The following RBM20 variants were observed in gnomAD, a reference collection of about 807,000 sequenced individuals.
RBM20 encodes RNA binding motif protein 20, also known as RNA-binding protein 20.
A neutral mutation model predicts 110.1 loss-of-function variants in RBM20; 51 were observed. The ratio of observed to expected loss-of-function variants is 0.46; its 90% CI spans 0.37 to 0.59. The LOEUF (loss-of-function observed/expected upper bound fraction) is 0.59. Among genes scored for constraint, RBM20 ranks in the 20% least tolerant of loss-of-function variants. RBM20 has a pLI of 0.00. For missense variants in RBM20, 1,512 were observed against 1,574.9 expected (o/e 0.96, Z 0.68); for synonymous variants, 589 against 618.2 (o/e 0.95, Z 0.70).
At chr10:110,648,717 G>GA (rs1382061794) in intron 1 of RBM20, among the ~76,000 whole-genome samples, 3 of 151,956 alleles carry the variant, frequency 2.0e-5, no homozygotes, top group Admixed American at 6.6e-5. Flanking sequence ...GAAGAAAAGG[G>GA]GGGGGTGCTA....
intron 3 of RBM20, among the ~76,000 whole-genome samples, 200 bp downstream of exon 3, chr10:110,783,627 C>T (rs891575063): frequency 2.6e-5 from 4 of 152,242 alleles, no homozygotes; most frequent in Non-Finnish European, 5.9e-5. Flanking sequence ...TACAGCATCC[C>T]TGGTGGTAAA....
At chr10:110,752,524 T>C (rs1378783333) in intron 1 of RBM20, among the ~76,000 whole-genome samples, 1 of 152,244 alleles carries the variant, frequency 6.6e-6, no homozygotes, top group Admixed American at 6.5e-5. Context: ...CAGGTTTTTG[T>C]GTGAACACAT....
At chr10:110,781,941 C>G (rs1350206670) in intron 2 of RBM20, 57 bp downstream of exon 2, 2 of 1,548,530 alleles carry the variant, frequency 1.3e-6, no homozygotes, top group Non-Finnish European at 8.7e-7. Flanking sequence ...AGGCCTTTCC[C>G]CATGACCCAA....
intron 1 of RBM20, among the ~76,000 whole-genome samples, chr10:110,721,633 G>A (rs1752947996): frequency 1.3e-5 from 2 of 152,204 alleles, no homozygotes; most frequent in Admixed American, 1.3e-4. Flanking sequence ...TCCCTAATTG[G>A]TGTCATCTTC....
At chr10:110,654,152 T>G (rs1476822073) in intron 1 of RBM20, among the ~76,000 whole-genome samples, 2 of 152,244 alleles carry the variant, frequency 1.3e-5, no homozygotes, top group Non-Finnish European at 2.9e-5. Flanking sequence ...CCAACAGACT[T>G]TCATCTGGTG....
chr10:110,682,745 T>C (rs181813741), intron 1 of RBM20, among the ~76,000 whole-genome samples: 1 of 152,372 alleles, frequency 6.6e-6, no homozygotes. Context: ...GCTGCTATTT[T>C]TTCTTTGTAA....
Position 110,739,297 on chromosome 10 carries a change from G to A in RBM20, c.192-41504G>A, listed in dbSNP as rs1007578478. On this transcript the variant is annotated intron_variant, in intron 1 of 13. Coordinates refer to ENST00000369519, the MANE Select transcript of RBM20 (RefSeq NM_001134363.3). This position sits in a 1 kb window ranked among gnomAD's most constrained non-coding sequence, Gnocchi z 4.1. ...AAATTTTGCAAGAATCTGCAATCTG[G>A]AAGAGTGTTGATTCAATATACATTC... 6.6e-6 allele frequency among the ~76,000 whole-genome samples: 1 copy of A among 152,230 alleles called. No individual in the cohort carries two copies. Among genetic ancestry groups the A allele is most frequent in the Non-Finnish European group, 1.5e-5 (1 of 68,040 alleles).
intron 1 of RBM20, among the ~76,000 whole-genome samples, chr10:110,761,973 G>A (rs1451629556): frequency 6.6e-6 from 1 of 152,198 alleles, no homozygotes; most frequent in Non-Finnish European, 1.5e-5. Flanking sequence ...TTGGGAGGTC[G>A]AGGCCTGCGG....
At chr10:110,804,148 C>G (rs1328187367) in intron 7 of RBM20, among the ~76,000 whole-genome samples, 2 of 152,216 alleles carry the variant, frequency 1.3e-5, no homozygotes, top group Non-Finnish European at 1.5e-5. Flanking sequence ...GAGAGAGTCG[C>G]TCTGACTGGA....
intron 1 of RBM20, among the ~76,000 whole-genome samples, chr10:110,711,388 C>G (rs1261365115): frequency 7.3e-6 from 1 of 136,998 alleles, no homozygotes; most frequent in Admixed American, 7.6e-5. Context: ...GTGGGAAGGA[C>G]AGGCCACTGC....
intron 1 of RBM20, among the ~76,000 whole-genome samples, chr10:110,650,957 T>A (rs1861937313): frequency 6.6e-6 from 1 of 152,236 alleles, no homozygotes; most frequent in Non-Finnish European, 1.5e-5. Flanking sequence ...AGGTGTAAAA[T>A]GAGCATCTTT....
At chr10:110,645,018 C>T (rs1202989204) in intron 1 of RBM20, among the ~76,000 whole-genome samples, 2 of 152,018 alleles carry the variant, frequency 1.3e-5, no homozygotes, top group African/African-American at 2.4e-5. Flanking sequence ...TGTGCGCGCG[C>T]GTGAGGGTGT....
chr10:110,763,491 A>G (rs1388025921), intron 1 of RBM20, among the ~76,000 whole-genome samples: 1 of 152,172 alleles, frequency 6.6e-6, no homozygotes, highest in East Asian at 1.9e-4. Context: ...GACAGGACAA[A>G]TTGGAATGAT....
intron 7 of RBM20, among the ~76,000 whole-genome samples, chr10:110,803,019 A>G (rs532656153): frequency 6.3e-4 from 96 of 152,282 alleles, no homozygotes; most frequent in African/African-American, 2.3e-3. Flanking sequence ...TCTCGTAATC[A>G]CTGTACCCTG....
chr10:110,718,608 C>CTTTTT (rs61629487), intron 1 of RBM20, among the ~76,000 whole-genome samples: 352 of 101,530 alleles, frequency 3.5e-3, no homozygotes, highest in Middle Eastern at 7.2e-3. Context: ...CTACTCCATT[C>CTTTTT]TTTTTTTTTT....
chr10:110,706,653 G>A (rs1013646345), intron 1 of RBM20, among the ~76,000 whole-genome samples: 4 of 152,218 alleles, frequency 2.6e-5, no homozygotes, highest in African/African-American at 9.6e-5. Context: ...ATTTCAGGAC[G>A]GAGTGGTGGG....
At chr10:110,798,349 G>C (rs1211787333) in intron 6 of RBM20, among the ~76,000 whole-genome samples, 3 of 152,186 alleles carry the variant, frequency 2.0e-5, no homozygotes, top group Non-Finnish European at 4.4e-5. Flanking sequence ...TTTTCTTAAA[G>C]AAGGCTGAAC....
chr10:110,767,290 G>A (rs1441705807), intron 1 of RBM20, among the ~76,000 whole-genome samples: 1 of 142,204 alleles, frequency 7.0e-6, no homozygotes, highest in African/African-American at 2.6e-5. Flanking sequence ...AGGGGCGGCC[G>A]GGCAGAGGTG....
chr10:110,794,442 G>C (rs187642512), intron 5 of RBM20, among the ~76,000 whole-genome samples: 109 of 152,304 alleles, frequency 7.2e-4, no homozygotes, highest in African/African-American at 2.3e-3. Flanking sequence ...TTAACCTAGA[G>C]ATTCTCAAGA....
Sources: allele counts gnomAD v4.1 joint callset (sites outside exome capture counted in the v4.1 genomes callset), GRCh38; gene constraint gnomAD v4.1.1; non-coding constraint Gnocchi (gnomAD v3.1); transcripts MANE v1.5; gene names NCBI Gene and HGNC (gene_info 2026-07-23, HGNC 2026-07-21).